Variants in GRM3 observed in about 807,000 individuals in gnomAD.
GRM3 encodes glutamate metabotropic receptor 3, also known as metabotropic glutamate receptor 3.
Under a neutral mutation model 70.5 loss-of-function variants are expected in GRM3, and 26 were observed. The observed-to-expected ratio is 0.37, with a 90% CI of 0.27 to 0.51. GRM3 has a LOEUF of 0.51. Ranked by LOEUF, GRM3 falls within the 20% of genes least tolerant of loss-of-function variation. The probability of loss-of-function intolerance (pLI) is 0.93; values close to 1 mark genes in which losing one functional copy is unlikely to be tolerated. For missense variants in GRM3, 859 were observed against 1,123.8 expected (o/e 0.76, Z 3.37); for synonymous variants, 443 against 434.9 (o/e 1.02, Z -0.23).
At chr7:86,675,288 C>A (rs535293303) in intron 1 of GRM3, among the ~76,000 whole-genome samples, 1 of 152,144 alleles carries the variant, frequency 6.6e-6, no homozygotes, top group East Asian at 1.9e-4. Context: ...GATTTATAGA[C>A]CCAGGACATC....
chr7:86,701,107 C>T (rs1185645567), intron 1 of GRM3, among the ~76,000 whole-genome samples: 1 of 151,684 alleles, frequency 6.6e-6, no homozygotes, highest in Non-Finnish European at 1.5e-5. Flanking sequence ...TCCATTAGTA[C>T]TTTTTTTTAA....
intron 1 of GRM3, among the ~76,000 whole-genome samples, chr7:86,678,951 G>T (rs866250301): frequency 2.0e-5 from 3 of 151,988 alleles, no homozygotes; most frequent in Admixed American, 1.3e-4. Flanking sequence ...GATAGCAAGG[G>T]TTTTTGTGAT....
chr7:86,806,353 A>G (rs1797792909), intron 3 of GRM3, among the ~76,000 whole-genome samples: 1 of 152,204 alleles, frequency 6.6e-6, no homozygotes, highest in Admixed American at 6.5e-5. Flanking sequence ...GAACTAGTTT[A>G]TAGTCACACC....
chr7:86,860,867 G>A (rs1339215284), intron 5 of GRM3, among the ~76,000 whole-genome samples: 1 of 152,132 alleles, frequency 6.6e-6, no homozygotes, highest in Admixed American at 6.6e-5. Flanking sequence ...CCAAAGCATA[G>A]CATTACATCA....
At chr7:86,762,199 A>G (rs922301087) in intron 1 of GRM3, among the ~76,000 whole-genome samples, 2 of 152,146 alleles carry the variant, frequency 1.3e-5, no homozygotes, top group African/African-American at 2.4e-5. Context: ...GAAACAAAAA[A>G]ATTCTACTAC....
At chr7:86,859,667 T>C (rs1453628769) in intron 5 of GRM3, among the ~76,000 whole-genome samples, 3 of 152,184 alleles carry the variant, frequency 2.0e-5, no homozygotes. Context: ...TGATGCAAAG[T>C]AACACTGCTA....
rs146456906 is a variant in GRM3 at position 86,752,494 on chromosome 7, T to G, written c.-140-12512T>G. 2.6e-5 allele frequency among the ~76,000 whole-genome samples: 4 copies of G among 152,252 alleles called. No homozygotes were observed. The East Asian group carries it at 7.7e-4, about 29-fold the overall frequency. On this transcript the variant is annotated intron_variant, in intron 1 of 5. Transcript: ENST00000361669. Reference sequence around the variant, plus strand: ...GTTGAAAGCTATACAAGAGATATGTTAGTCTTGTTAGTTGAAAATCTGTCT... The same window carrying G: ...GTTGAAAGCTATACAAGAGATATGTGAGTCTTGTTAGTTGAAAATCTGTCT...
chr7:86,836,370 A>T (rs773494750), intron 3 of GRM3, among the ~76,000 whole-genome samples: 3 of 152,238 alleles, frequency 2.0e-5, no homozygotes, highest in Non-Finnish European at 2.9e-5. Flanking sequence ...AAACTATAAG[A>T]ATATTTAAGT....
At chr7:86,659,322 T>C (rs1395740194) in intron 1 of GRM3, among the ~76,000 whole-genome samples, 1 of 152,330 alleles carries the variant, frequency 6.6e-6, no homozygotes, top group Non-Finnish European at 1.5e-5. Context: ...AATGTTTACA[T>C]ATGCCAGGCA....
rs1562829891 is a variant in GRM3 at position 86,698,539 on chromosome 7, A to ATATATATATATATATATATATATATAT, written c.-141+53667_-141+53668insTATATATATATATATATATATATATAT. On this transcript the variant is annotated intron_variant, in intron 1 of 5. Transcript: ENST00000361669. ...AAGTATTTATATATATATATATATA[A>ATATATATATATATATATATATATATAT]AATACACATTATTATTATATATATA... 1.8e-4 allele frequency among the ~76,000 whole-genome samples: 25 copies of ATATATATATATATATATATATATATAT among 139,616 alleles called. 1 individual carries two copies. The highest frequency in any genetic ancestry group is 7.2e-4 in the African/African-American group (24 of 33,466). The allele number at this position is 139,616 out of a possible 152,430, so 91.6% of individuals were successfully genotyped here.
intron 2 of GRM3, among the ~76,000 whole-genome samples, chr7:86,772,389 T>C (rs1796768802): frequency 6.6e-6 from 1 of 152,024 alleles, no homozygotes; most frequent in Non-Finnish European, 1.5e-5. Context: ...GGAAGACTTG[T>C]TTAGATATAA....
chr7:86,791,933 C>T (rs913558061), intron 3 of GRM3, among the ~76,000 whole-genome samples: 4 of 151,994 alleles, frequency 2.6e-5, no homozygotes, highest in Admixed American at 2.0e-4. Context: ...TTTCCATGTG[C>T]AAGAGTTATG....
In GRM3 at chr7:86,843,047, G is replaced by T. The variant is rs75169128; in HGVS notation, c.2391+3142G>T. ...TGGAAAATGGGCCGGGGGCAGGGCTGGTTCATTTAGATAATGTTTAAGGGC... is the reference window on the plus strand; with the variant it reads ...TGGAAAATGGGCCGGGGGCAGGGCTTGTTCATTTAGATAATGTTTAAGGGC... On this transcript the variant is annotated intron_variant, in intron 4 of 5. Transcript: ENST00000361669. Among the ~76,000 whole-genome samples the T allele has an allele frequency of 4.8e-4, 73 of 152,166 alleles. No individual in the cohort carries two copies. In the East Asian group the frequency reaches 0.012, roughly 26 times the overall value.
intron 3 of GRM3, among the ~76,000 whole-genome samples, chr7:86,829,055 A>C (rs1798299517): frequency 6.6e-6 from 1 of 152,242 alleles, no homozygotes; most frequent in Non-Finnish European, 1.5e-5. Flanking sequence ...TTTAGTTTGC[A>C]GCAATTCAGC....
At chr7:86,668,637 A>G (rs1164804343) in intron 1 of GRM3, among the ~76,000 whole-genome samples, 1 of 152,142 alleles carries the variant, frequency 6.6e-6, no homozygotes, top group African/African-American at 2.4e-5. Context: ...AGGAAAGTGA[A>G]TTACTGCCTA....
At chr7:86,770,840 T>C (rs1198411727) in intron 2 of GRM3, among the ~76,000 whole-genome samples, 1 of 152,076 alleles carries the variant, frequency 6.6e-6, no homozygotes, top group Non-Finnish European at 1.5e-5. Flanking sequence ...ACACTCTCTC[T>C]GTGGACAAAT....
At chr7:86,777,504 C>T (rs1796923944) in intron 2 of GRM3, among the ~76,000 whole-genome samples, 1 of 152,074 alleles carries the variant, frequency 6.6e-6, no homozygotes. Flanking sequence ...GTTTTTGGGG[C>T]CCATGGCATG....
chr7:86,711,483 A>G (rs535726473), intron 1 of GRM3, among the ~76,000 whole-genome samples: 1 of 152,116 alleles, frequency 6.6e-6, no homozygotes, highest in Non-Finnish European at 1.5e-5. Flanking sequence ...AAATTCCTTC[A>G]TCATTTCCTT....
chr7:86,713,415 C>A (rs943097669), intron 1 of GRM3, among the ~76,000 whole-genome samples: 3 of 151,998 alleles, frequency 2.0e-5, no homozygotes, highest in African/African-American at 7.2e-5. Flanking sequence ...TTGTGTTCAA[C>A]TTTCAACCTA....
Sources: allele counts gnomAD v4.1 joint callset (sites outside exome capture counted in the v4.1 genomes callset), GRCh38; gene constraint gnomAD v4.1.1; transcripts MANE v1.5; gene names NCBI Gene and HGNC (gene_info 2026-07-23, HGNC 2026-07-21).